CCDC13: variants seen among roughly 807,000 people sequenced by gnomAD.
The protein encoded by CCDC13 is coiled-coil domain containing 13, also known as coiled-coil domain-containing protein 13.
Under a neutral mutation model 87.3 loss-of-function variants are expected in CCDC13, and 70 were observed. That is an observed-to-expected ratio of 0.80 (90% CI 0.66 to 0.98). CCDC13 has a LOEUF of 0.98. Ranked by LOEUF, CCDC13 falls within the 50% of genes least tolerant of loss-of-function variation. CCDC13 has a pLI of 0.00. For missense variants in CCDC13, 842 were observed against 892.0 expected, an observed-to-expected ratio of 0.94 and a Z score of 0.71; for synonymous variants, 317 against 360.3, an observed-to-expected ratio of 0.88 and a Z score of 1.36.
At chr3:42,724,191 C>A (rs1698632979) in intron 13 of CCDC13, among the ~76,000 whole-genome samples, 1 of 152,136 alleles carries the variant, frequency 6.6e-6, no homozygotes, top group African/African-American at 2.4e-5. Context: ...TTGTGAATTC[C>A]CACAAAATTT....
rs558541969 is a variant in CCDC13, at chr3:42,735,852, C to A, written c.1226G>T (p.Arg409Leu). The change falls in exon 10 of 16, where the codon CGA becomes CTA. Residue 409 changes from arginine (R) to leucine (L), a missense_variant. Arg to Leu is a moderately radical substitution (Grantham distance 102). Coordinates refer to ENST00000310232, the MANE Select transcript of CCDC13 (RefSeq NM_144719.4). ...GSLSLQEEKT[R>L]VSQHHLDQQL... Reference sequence around the variant, plus strand: ...CTGGTCCAGGTGGTGCTGGGACACTCGCGTTTTCTCCTCCTGCAGACTCAG... The same window carrying A: ...CTGGTCCAGGTGGTGCTGGGACACTAGCGTTTTCTCCTCCTGCAGACTCAG... 7 of 1,614,248 alleles carry A rather than the reference C, an allele frequency of 4.3e-6. No individual in the cohort carries two copies. Among genetic ancestry groups the A allele is most frequent in the Non-Finnish European group, 5.1e-6 (6 of 1,180,046 alleles).
chr3:42,771,355 G>A (rs780142383), intron 1 of CCDC13, among the ~76,000 whole-genome samples: 4 of 152,128 alleles, frequency 2.6e-5, no homozygotes, highest in Non-Finnish European at 5.9e-5. Flanking sequence ...ACAATGAACA[G>A]TAAAGCCTAG....
chr3:42,725,167 T>C (rs1575281747), intron 13 of CCDC13, among the ~76,000 whole-genome samples: 1 of 152,172 alleles, frequency 6.6e-6, no homozygotes, highest in Non-Finnish European at 1.5e-5. Context: ...TAAAGATTAA[T>C]AAAACATAGT....
In CCDC13 at chr3:42,743,024, G is replaced by C. The variant is rs188687471; in HGVS notation, c.859C>G (p.Arg287Gly). Residue 287 changes from arginine (R) to glycine (G), a missense_variant, in exon 8 of 16, where the codon CGG (arginine) becomes GGG (glycine). By Grantham distance (125) the Arg-to-Gly change is moderately radical. Transcript: ENST00000310232. ...CTGGCTGTTCCCGCAGACTGGCTCC[G>C]GGCCTGGCCCAATTGCTTCTCAAGC... is the stretch of plus-strand genomic sequence containing the variant. ...QELEKQLGQARSQSAGTASDE... is the reference protein window; with the variant it reads ...QELEKQLGQAGSQSAGTASDE... The C allele has an allele frequency of 3.1e-6, 5 of 1,614,134 alleles. No homozygotes were observed. The highest frequency in any genetic ancestry group is 1.7e-5 in the Admixed American group (1 of 60,014).
chr3:42,730,880 G>C (rs571194333), intron 12 of CCDC13, among the ~76,000 whole-genome samples: 52 of 152,264 alleles, frequency 3.4e-4, no homozygotes, highest in Non-Finnish European at 6.0e-4. Flanking sequence ...TGCTGTGGCA[G>C]GTGGCTCTTG....
At position 42,718,224 on chromosome 3, in the gene CCDC13, G is replaced by T. The variant is rs1182081148; in HGVS notation, c.1719-4908C>A. 3 of 152,122 alleles carry T rather than the reference G, an allele frequency of 2.0e-5. No individual in the cohort carries two copies. The East Asian group carries it at 5.8e-4, about 29-fold the overall frequency. The allele number at this position is 152,122 out of a possible 1,614,324, so 9.4% of individuals were successfully genotyped here. On this transcript the variant is annotated intron_variant, in intron 13 of 15. Transcript: ENST00000310232. ...TAGAACAGGTTACAGTAAAAAAGGT[G>T]GTCCAAACCCACCAAAACCAAGATG...
rs1698179433 is a variant in CCDC13, at chr3:42,706,360, A to AATT, written c.*2617_*2619dup. 1.3e-5 allele frequency: 2 copies of AATT among 152,264 alleles called. No individual in the cohort carries two copies. The highest frequency in any genetic ancestry group is 2.9e-5 in the Non-Finnish European group (2 of 68,066). The allele number at this position is 152,264 out of a possible 1,614,324, so 9.4% of individuals were successfully genotyped here. A position where few individuals can be genotyped will look rare whatever the true frequency, so the allele number is the denominator to read the frequency against. The stretch of plus-strand genomic sequence containing the variant: ...AATGGAGGGAACACTAAGAGCGAAT[A>AATT]ATTATTAAGCGCTTACTGTGTGCGA... On this transcript the variant is annotated 3_prime_UTR_variant, in exon 16 of 16. Transcript: ENST00000310232.
chr3:42,732,562 C>G, intron 12 of CCDC13: 1 of 338,574 alleles, frequency 3.0e-6, no homozygotes, highest in Non-Finnish European at 5.4e-6. Context: ...GTGAAATTCT[C>G]CCCTTAGAGG....
rs1224604319 is a variant in CCDC13 at position 42,733,514 on chromosome 3, G to A, written c.1467C>T (p.Ser489=). 1.9e-6 allele frequency: 3 copies of A among 1,614,080 alleles called. No homozygotes were observed. Among genetic ancestry groups the A allele is most frequent in the Non-Finnish European group, 2.5e-6 (3 of 1,180,016 alleles). The change falls in exon 11 of 16, where the codon TCC becomes TCT. Residue 489 remains serine (S), a synonymous_variant. Coordinates refer to ENST00000310232, the MANE Select transcript of CCDC13 (RefSeq NM_144719.4). ...QFLEDPGLTK[S]PASAGDHVGR... ...CAACATGATCGCCTGCTGAGGCCGG[G>A]GACTTGGTCAGGCCTGGGTCCTCCA...
intron 1 of CCDC13, among the ~76,000 whole-genome samples, chr3:42,771,993 CGGGCG>C: frequency 6.6e-6 from 1 of 151,784 alleles, no homozygotes; most frequent in Middle Eastern, 3.2e-3. Flanking sequence ...AAGGCTAAGC[CGGGCG>C]TGGTGGCTCA....
At chr3:42,753,211 G>A (rs1699627580) in intron 3 of CCDC13, among the ~76,000 whole-genome samples, 1 of 152,220 alleles carries the variant, frequency 6.6e-6, no homozygotes, top group South Asian at 2.1e-4. Flanking sequence ...GTTTGCTTAT[G>A]CCCTCTCCAC....
chr3:42,757,266 G>C (rs1416853302), intron 2 of CCDC13, 52 bp from the exon 3 acceptor site: 1 of 1,580,494 alleles, frequency 6.3e-7, no homozygotes, highest in Non-Finnish European at 8.6e-7. Context: ...GCCCTGGTGG[G>C]CAGGGGTCAG....
intron 1 of CCDC13, among the ~76,000 whole-genome samples, chr3:42,771,502 C>T (rs1700105390): frequency 6.6e-6 from 1 of 152,184 alleles, no homozygotes; most frequent in African/African-American, 2.4e-5. Flanking sequence ...CACCTGTAAT[C>T]TCAACACTCT....
intron 13 of CCDC13, among the ~76,000 whole-genome samples, chr3:42,730,072 C>T (rs1559643028): frequency 6.6e-6 from 1 of 152,182 alleles, no homozygotes; most frequent in Admixed American, 6.5e-5. Flanking sequence ...TTGTTCTTTC[C>T]AATTCCAGAT....
chr3:42,751,575 C>T (rs561774955), intron 5 of CCDC13, among the ~76,000 whole-genome samples: 1 of 152,314 alleles, frequency 6.6e-6, no homozygotes, highest in East Asian at 1.9e-4. Context: ...GGATGCTGTA[C>T]AGGAGATGGC....
At chr3:42,767,949 G>A (rs1699966530) in intron 1 of CCDC13, among the ~76,000 whole-genome samples, 1 of 151,588 alleles carries the variant, frequency 6.6e-6, no homozygotes, top group Non-Finnish European at 1.5e-5. Flanking sequence ...ACTCCAGCCT[G>A]GCCAACAGGA....
At chr3:42,755,698 A>C (rs184890546) in intron 3 of CCDC13, among the ~76,000 whole-genome samples, 2 of 152,362 alleles carry the variant, frequency 1.3e-5, no homozygotes, top group African/African-American at 4.8e-5. Context: ...TTCAGAGTGA[A>C]GACTGGATTT....
intron 13 of CCDC13, among the ~76,000 whole-genome samples, chr3:42,722,489 C>T (rs1698586584): frequency 6.6e-6 from 1 of 152,148 alleles, no homozygotes; most frequent in South Asian, 2.1e-4. Flanking sequence ...GCACAAAATA[C>T]AGGTCATAAA....
At position 42,713,161 on chromosome 3, in the gene CCDC13, C is replaced by T. The variant is rs760817244; in HGVS notation, c.1873+1G>A. The T allele has an allele frequency of 6.8e-6, 11 of 1,613,492 alleles. No individual in the cohort carries two copies. The South Asian group carries it at 7.7e-5, about 11-fold the overall frequency. On this transcript the variant is annotated splice_donor_variant, in intron 14 of 15. Transcript: ENST00000310232. LOFTEE classifies it high-confidence loss of function. ...ACTGAGACTACTGCCCTGGCCCCTACCTGTTTTGGTCCTGGGAGCTGCTCT... is the reference window on the plus strand; with the variant it reads ...ACTGAGACTACTGCCCTGGCCCCTATCTGTTTTGGTCCTGGGAGCTGCTCT...
Sources: allele counts gnomAD v4.1 joint callset (sites outside exome capture counted in the v4.1 genomes callset), GRCh38; gene constraint gnomAD v4.1.1; transcripts MANE v1.5; gene names NCBI Gene and HGNC (gene_info 2026-07-23, HGNC 2026-07-21).